SYAP1: variants seen among roughly 807,000 people sequenced by gnomAD.
SYAP1 encodes the protein synapse associated protein 1.
A neutral mutation model predicts 29.6 loss-of-function variants in SYAP1; 3 were observed. That is an observed-to-expected ratio of 0.10 (90% CI 0.05 to 0.26). The LOEUF (loss-of-function observed/expected upper bound fraction) is 0.26. Ranked by LOEUF, SYAP1 falls within the 10% of genes least tolerant of loss-of-function variation. The pLI, the probability that SYAP1 is intolerant of heterozygous loss-of-function variation, is 1.00. For missense variants in SYAP1, 217 were observed against 264.1 expected, an observed-to-expected ratio of 0.82 and a Z score of 1.24; for synonymous variants, 102 against 102.7, an observed-to-expected ratio of 0.99 and a Z score of 0.04.
chrX:16,720,573 T>C (rs745880296), intron 1 of SYAP1, among the ~76,000 whole-genome samples: 1 of 112,520 alleles, frequency 8.9e-6, no homozygotes, highest in South Asian at 3.6e-4. Context: ...GAATTTGAGC[T>C]TCGATCTTTC....
At chrX:16,731,071 ATC>A (rs370541778) in intron 1 of SYAP1, among the ~76,000 whole-genome samples, 1 of 112,175 alleles carries the variant, frequency 8.9e-6, no homozygotes, top group Non-Finnish European at 1.9e-5. Context: ...CTTTCTTTAT[ATC>A]TCTCTTATTT....
chrX:16,726,906 G>A (rs1926092622), intron 1 of SYAP1, among the ~76,000 whole-genome samples: 1 of 111,680 alleles, frequency 9.0e-6, no homozygotes, highest in Non-Finnish European at 1.9e-5. Flanking sequence ...CTAGTCTTCA[G>A]TTCACAGGGC....
chrX:16,721,136 T>C lies in SYAP1; in HGVS notation c.175+1237T>C, dbSNP rs192443077. Among the ~76,000 whole-genome samples, 280 of 91,752 alleles carry C rather than the reference T, an allele frequency of 3.1e-3. 3 individuals carry two copies. The highest frequency in any genetic ancestry group is 4.4e-3 in the Admixed American group (34 of 7,649). 79.7% of individuals were successfully genotyped at this position (91,752 alleles called of 115,157 possible). ...ACTAAGTTCAGCAACATTTGAAGAA[T>C]CTACTAAAAGATGGGGGTGGGGGGA... On this transcript the variant is annotated intron_variant, in intron 1 of 8. Transcript: ENST00000380155.
rs1927035883 is a variant in SYAP1 at position 16,763,823 on chromosome X, CTT to C, written c.*3465_*3466del. On this transcript the variant is annotated 3_prime_UTR_variant, in exon 9 of 9. Coordinates refer to ENST00000380155, the MANE Select transcript of SYAP1 (RefSeq NM_032796.4). ...ACATTTAAAAGGTTTCAGCAGAAAT[CTT>C]ATGATTATGTCTGACTTGCAGTATT... The C allele has an allele frequency of 9.5e-6, 1 of 105,191 alleles. No individual in the cohort carries two copies. The highest frequency in any genetic ancestry group is 1.0e-4 in the Admixed American group (1 of 9,597). 8.7% of individuals were successfully genotyped at this position (105,191 alleles called of 1,213,427 possible). A position where few individuals can be genotyped will look rare whatever the true frequency, so the allele number is the denominator to read the frequency against.
intron 4 of SYAP1, 142 bp downstream of exon 4, chrX:16,741,931 G>T: frequency 2.4e-6 from 1 of 423,690 alleles, no homozygotes; most frequent in South Asian, 5.9e-5. Flanking sequence ...ATTAACACAT[G>T]ATGTGTACAT....
At chrX:16,735,063 G>A (rs1431536142) in intron 1 of SYAP1, among the ~76,000 whole-genome samples, 164 bp from the exon 2 acceptor site, 2 of 103,214 alleles carry the variant, frequency 1.9e-5, no homozygotes, top group African/African-American at 7.2e-5. Flanking sequence ...TGATTGGCCA[G>A]TCCACCAAGA....
rs188734327 is a variant in SYAP1 at position 16,756,551 on chromosome X, C to A, written c.725-112C>A. The A allele has an allele frequency of 1.3e-3, 853 of 671,560 alleles. 2 individuals are homozygous for A. In the African/African-American group the frequency reaches 0.016, roughly 13 times the overall value. 55.3% of individuals were successfully genotyped at this position (671,560 alleles called of 1,213,427 possible). A position where few individuals can be genotyped will look rare whatever the true frequency, so the allele number is the denominator to read the frequency against. On this transcript the variant is annotated intron_variant, in intron 6 of 8. Coordinates refer to ENST00000380155, the MANE Select transcript of SYAP1 (RefSeq NM_032796.4). ...AAGCTGAAAGCATAACATAAAAATT[C>A]ATTTCTGAAAATTATTTAGTATCAT...
chrX:16,741,675 AT>A (rs776763261), intron 3 of SYAP1, 40 bp from the exon 4 acceptor site: 12 of 1,065,680 alleles, frequency 1.1e-5, no homozygotes, highest in East Asian at 3.1e-5. Flanking sequence ...ATCATGACCT[AT>A]TTTTTTCTCT....
chrX:16,736,797 T>C (rs771730973), intron 3 of SYAP1, among the ~76,000 whole-genome samples: 4 of 112,155 alleles, frequency 3.6e-5, no homozygotes, highest in Admixed American at 9.5e-5. Context: ...CATGAGCCAC[T>C]GCACCTGGCC....
At chrX:16,733,584 C>T (rs749930673) in intron 1 of SYAP1, among the ~76,000 whole-genome samples, 44 of 111,674 alleles carry the variant, frequency 3.9e-4, no homozygotes, top group African/African-American at 1.4e-3. Context: ...GCAGGTCCAG[C>T]TTCAAGACCT....
chrX:16,757,661 T>A (rs1262392476), intron 8 of SYAP1, among the ~76,000 whole-genome samples: 1 of 110,581 alleles, frequency 9.0e-6, no homozygotes, highest in African/African-American at 3.3e-5. Context: ...AGGCGGAGCT[T>A]GCAGTGAGCC....
At position 16,761,863 on chromosome X, in the gene SYAP1, A is replaced by G. The variant is rs1017876588; in HGVS notation, c.*1504A>G. The G allele has an allele frequency of 1.8e-5, 2 of 112,334 alleles. No individual in the cohort carries two copies. Among genetic ancestry groups the G allele is most frequent in the Non-Finnish European group, 3.8e-5 (2 of 53,332 alleles). The allele number at this position is 112,334 out of a possible 1,213,427, so 9.3% of individuals were successfully genotyped here. A position where few individuals can be genotyped will look rare whatever the true frequency, so the allele number is the denominator to read the frequency against. On this transcript the variant is annotated 3_prime_UTR_variant, in exon 9 of 9. Transcript: ENST00000380155. ...ACATATTTGTGTTCTTGGCCCCATT[A>G]AAACTAGTCAGTAGTCCTTTGGCAA...
At chrX:16,720,739 A>T (rs1258745028) in intron 1 of SYAP1, among the ~76,000 whole-genome samples, 1 of 111,852 alleles carries the variant, frequency 8.9e-6, no homozygotes, top group Non-Finnish European at 1.9e-5. Flanking sequence ...TTGAGGCCGG[A>T]TATGGTGGCT....
At position 16,733,692 on chromosome X, in the gene SYAP1, G is replaced by A. The variant is rs772504963; in HGVS notation, c.176-1535G>A. On this transcript the variant is annotated intron_variant, in intron 1 of 8. Coordinates refer to ENST00000380155, the MANE Select transcript of SYAP1 (RefSeq NM_032796.4). ...CCCTTTTTTTTTTTTTTTAGACGGA[G>A]TCTCGCTCTGTTGCCCAGGCTAGAG... 3.8e-5 allele frequency among the ~76,000 whole-genome samples: 4 copies of A among 106,437 alleles called. No individual in the cohort carries two copies. In the East Asian group the frequency reaches 8.9e-4, roughly 24 times the overall value. 92.4% of individuals were successfully genotyped at this position (106,437 alleles called of 115,157 possible).
In SYAP1 at chrX:16,743,826, C is replaced by T. The variant is rs760952791; in HGVS notation, c.561C>T (p.Ala187=). The T allele has an allele frequency of 2.3e-5, 28 of 1,207,766 alleles. No homozygotes were observed. In the East Asian group the frequency reaches 7.7e-4, roughly 33 times the overall value. ...EDELLSKMRF[A]LVPKLVKEEV... ...AGCTGCTAAGCAAGATGAGATTTGC[C>T]CTCGTTCCTAAACTGTAAGCAGAGT... The change falls in exon 5 of 9, where the codon GCC becomes GCT. Residue 187 remains alanine, a synonymous_variant. Transcript: ENST00000380155.
At chrX:16,742,706 TGG>T (rs1926495734) in intron 4 of SYAP1, among the ~76,000 whole-genome samples, 1 of 112,454 alleles carries the variant, frequency 8.9e-6, no homozygotes, top group African/African-American at 3.2e-5. Context: ...AGCCTTGAAC[TGG>T]GCTCAAGTGA....
At chrX:16,736,555 G>A in intron 3 of SYAP1, 1 of 155,273 alleles carries the variant, frequency 6.4e-6, no homozygotes, top group Non-Finnish European at 1.2e-5. Flanking sequence ...CCAGGCTGGA[G>A]TGCAATGGCG....
At chrX:16,731,325 C>G (rs1456205591) in intron 1 of SYAP1, among the ~76,000 whole-genome samples, 3 of 111,047 alleles carry the variant, frequency 2.7e-5, no homozygotes, top group Non-Finnish European at 5.7e-5. Context: ...AATCATTTAC[C>G]TAGATTATTT....
intron 1 of SYAP1, among the ~76,000 whole-genome samples, chrX:16,731,869 G>A (rs1238011555): frequency 9.0e-6 from 1 of 110,850 alleles, no homozygotes; most frequent in Non-Finnish European, 1.9e-5. Context: ...GAACTCAGGA[G>A]GCGGAGGTTG....
Sources: gnomAD v4.1 joint callset for allele counts (sites outside exome capture counted in the v4.1 genomes callset) on GRCh38, gnomAD v4.1.1 for gene constraint, MANE v1.5 for transcripts, NCBI Gene and HGNC (gene_info 2026-07-23, HGNC 2026-07-21) for gene names.